GNA12: variants seen among roughly 807,000 people sequenced by gnomAD.
The protein encoded by GNA12 is G protein subunit alpha 12.
Under a neutral mutation model 26.0 loss-of-function variants are expected in GNA12, and 9 were observed. The observed-to-expected ratio is 0.35, with a 90% CI of 0.21 to 0.60. The LOEUF (loss-of-function observed/expected upper bound fraction) is 0.60, where lower values mean the gene tolerates loss of function less well. Among genes scored for constraint, GNA12 ranks in the 20% least tolerant of loss-of-function variants. GNA12 has a pLI of 0.78. For synonymous variants in GNA12, 264 were observed against 219.6 expected (o/e 1.20, Z -1.79); for missense variants, 405 against 525.8 (o/e 0.77, Z 2.25).
intron 1 of GNA12, among the ~76,000 whole-genome samples, chr7:2,806,217 G>C (rs566875657): frequency 6.6e-6 from 1 of 152,172 alleles, no homozygotes; most frequent in South Asian, 2.1e-4. Flanking sequence ...GGTGGCTCAC[G>C]CCTGTAATCC....
intron 2 of GNA12, among the ~76,000 whole-genome samples, chr7:2,765,843 C>T (rs2115412582): frequency 6.6e-6 from 1 of 151,672 alleles, no homozygotes; most frequent in South Asian, 2.1e-4. Flanking sequence ...GTTGGCCAGG[C>T]TGGTCTCGAA....
chr7:2,735,403 G>T (rs1400138179), intron 2 of GNA12, among the ~76,000 whole-genome samples: 1 of 152,202 alleles, frequency 6.6e-6, no homozygotes, highest in Non-Finnish European at 1.5e-5. Flanking sequence ...GAGTCACAGT[G>T]GCACAGATGC....
At chr7:2,736,276 C>T (rs1037018414) in intron 2 of GNA12, among the ~76,000 whole-genome samples, 1 of 152,188 alleles carries the variant, frequency 6.6e-6, no homozygotes. Flanking sequence ...TGCGGTCACA[C>T]GATCTAGAAA....
intron 2 of GNA12, among the ~76,000 whole-genome samples, chr7:2,786,004 T>C (rs1583280070): frequency 6.6e-6 from 1 of 152,136 alleles, no homozygotes; most frequent in Admixed American, 6.6e-5. Context: ...GAGGTGAAGG[T>C]TGCAGTGAGC....
intron 2 of GNA12, among the ~76,000 whole-genome samples, chr7:2,736,900 G>C (rs987649853): frequency 7.2e-5 from 11 of 152,174 alleles, no homozygotes; most frequent in African/African-American, 2.7e-4. Flanking sequence ...CACGAGAAAA[G>C]AGCTTCAGAT....
intron 2 of GNA12, among the ~76,000 whole-genome samples, chr7:2,760,887 A>G (rs798491): frequency 0.24 from 36,698 of 152,062 alleles, 5,130 homozygotes; most frequent in Non-Finnish European, 0.29. Context: ...CCTCACAGCA[A>G]TGTGGCTTCT....
intron 2 of GNA12, among the ~76,000 whole-genome samples, chr7:2,790,736 A>C (rs949649026): frequency 6.6e-6 from 1 of 152,264 alleles, no homozygotes; most frequent in East Asian, 1.9e-4. Context: ...TGGAAGCCCA[A>C]GGCAGGAGGA....
intron 1 of GNA12, among the ~76,000 whole-genome samples, chr7:2,841,220 C>T (rs948370715): frequency 5.9e-5 from 9 of 152,050 alleles, no homozygotes; most frequent in African/African-American, 9.7e-5. Context: ...GGTGCGATCT[C>T]GGCTCACTGC....
chr7:2,792,520 A>G lies in GNA12; in HGVS notation c.525+2408T>C, dbSNP rs2283782. Among the ~76,000 whole-genome samples the G allele has an allele frequency of 2.3e-3, 343 of 152,308 alleles. 7 individuals carry two copies. In the East Asian group the frequency reaches 0.053, roughly 24 times the overall value. On this transcript the variant is annotated intron_variant, in intron 2 of 3. Transcript: ENST00000275364. Reference sequence around the variant, plus strand: ...TCACTCAGTACGATCAGCCCCAGACACTTCTGCTTCCTTCTTTGGAAAATC... The same window carrying G: ...TCACTCAGTACGATCAGCCCCAGACGCTTCTGCTTCCTTCTTTGGAAAATC...
chr7:2,745,033 C>A (rs1000712294), intron 2 of GNA12, among the ~76,000 whole-genome samples: 1 of 152,212 alleles, frequency 6.6e-6, no homozygotes, highest in Non-Finnish European at 1.5e-5. Flanking sequence ...AAGACCAAAT[C>A]TACATCTGAT....
chr7:2,804,362 GGT>G (rs907748384), intron 1 of GNA12, among the ~76,000 whole-genome samples: 116 of 152,146 alleles, frequency 7.6e-4, no homozygotes, highest in African/African-American at 2.7e-3. Flanking sequence ...TATATAGACG[GGT>G]GTGTGTGTAT....
intron 3 of GNA12, 35 bp downstream of exon 3, chr7:2,733,416 G>GA (rs762131661): frequency 1.9e-6 from 3 of 1,599,036 alleles, no homozygotes; most frequent in Non-Finnish European, 2.6e-6. Flanking sequence ...TCTAACCCTG[G>GA]AGCCCAGCTT....
At chr7:2,792,087 G>A (rs1686973891) in intron 2 of GNA12, among the ~76,000 whole-genome samples, 1 of 152,124 alleles carries the variant, frequency 6.6e-6, no homozygotes, top group African/African-American at 2.4e-5. Context: ...ACCCACCTGT[G>A]GCCACCTTAC....
intron 2 of GNA12, chr7:2,762,787 G>A: frequency 6.5e-7 from 1 of 1,540,870 alleles, no homozygotes; most frequent in Non-Finnish European, 8.8e-7. Flanking sequence ...CTGTACAAAA[G>A]GGAGGAGGAG....
chr7:2,729,383 A>G lies in GNA12; in HGVS notation c.*1798T>C, dbSNP rs576613322. The G allele has an allele frequency of 6.6e-5, 10 of 152,498 alleles. No homozygotes were observed. The highest frequency in any genetic ancestry group is 2.4e-4 in the African/African-American group (10 of 41,580). The allele number at this position is 152,498 out of a possible 1,614,324, so 9.4% of individuals were successfully genotyped here. On this transcript the variant is annotated 3_prime_UTR_variant, in exon 4 of 4. Transcript: ENST00000275364. Reference sequence around the variant, plus strand: ...GTCATCGGCACTCATCTCCGGTCACATCCGTGAGGTCTGTGAAGAGCCACA... The same window carrying G: ...GTCATCGGCACTCATCTCCGGTCACGTCCGTGAGGTCTGTGAAGAGCCACA...
chr7:2,788,508 A>T (rs1792423973), intron 2 of GNA12, among the ~76,000 whole-genome samples: 1 of 152,252 alleles, frequency 6.6e-6, no homozygotes, highest in Admixed American at 6.5e-5. Flanking sequence ...CAACTTAGTT[A>T]CTACATGTAA....
chr7:2,842,616 C>T (rs527672568), intron 1 of GNA12, among the ~76,000 whole-genome samples: 1 of 152,128 alleles, frequency 6.6e-6, no homozygotes, highest in Admixed American at 6.5e-5. Context: ...CAGCTTCTTT[C>T]ACAAATATGG....
chr7:2,777,567 T>G (rs989049306), intron 2 of GNA12, among the ~76,000 whole-genome samples: 47 of 152,182 alleles, frequency 3.1e-4, no homozygotes, highest in Middle Eastern at 3.4e-3. Flanking sequence ...ATGACCTGAT[T>G]AGTGCCCTTA....
At chr7:2,759,139 CAAAATAAATAAA>C (rs1791437164) in intron 2 of GNA12, among the ~76,000 whole-genome samples, 2 of 136,882 alleles carry the variant, frequency 1.5e-5, no homozygotes, top group African/African-American at 5.5e-5. Context: ...AACACTGTCT[CAAAATAAATAAA>C]TAAATAAATA....
Sources: allele counts gnomAD v4.1 joint callset (sites outside exome capture counted in the v4.1 genomes callset), GRCh38; gene constraint gnomAD v4.1.1; transcripts MANE v1.5; gene names NCBI Gene and HGNC (gene_info 2026-07-23, HGNC 2026-07-21).